RNF220: variants seen among roughly 807,000 people sequenced by gnomAD.
The protein encoded by RNF220 is ring finger protein 220.
Under a neutral mutation model 67.1 loss-of-function variants are expected in RNF220, and 7 were observed. The observed-to-expected ratio is 0.10, with a 90% CI of 0.06 to 0.20. RNF220 has a LOEUF of 0.20. RNF220 is among the 10% of genes least tolerant of loss of function. The pLI, the probability that RNF220 is intolerant of heterozygous loss-of-function variation, is 1.00. For synonymous variants in RNF220, 270 were observed against 283.2 expected, an observed-to-expected ratio of 0.95 and a Z score of 0.47; for missense variants, 565 against 740.3, an observed-to-expected ratio of 0.76 and a Z score of 2.75.
At chr1:44,626,487 C>T in intron 5 of RNF220, 89 bp downstream of exon 5, 1 of 1,012,248 alleles carries the variant, frequency 9.9e-7, no homozygotes, top group Non-Finnish European at 1.5e-6. Flanking sequence ...CTCCTCTCCT[C>T]TGTAGGCCAC....
chr1:44,442,581 C>A (rs1254515561), intron 2 of RNF220, among the ~76,000 whole-genome samples: 1 of 143,220 alleles, frequency 7.0e-6, no homozygotes, highest in Non-Finnish European at 1.5e-5. Flanking sequence ...ATGATGTGGT[C>A]TCGCCTCACT....
intron 2 of RNF220, among the ~76,000 whole-genome samples, chr1:44,539,342 C>G (rs973466510): frequency 2.0e-5 from 3 of 152,214 alleles, no homozygotes; most frequent in Admixed American, 6.5e-5. Context: ...GGTGACTCCT[C>G]TTCTTTCACT....
rs544550282 is a variant in RNF220 at position 44,563,507 on chromosome 1, C to T, written c.626-50658C>T. 1.1e-3 allele frequency among the ~76,000 whole-genome samples: 163 copies of T among 152,302 alleles called. 2 individuals are homozygous for T. The highest frequency in any genetic ancestry group is 3.7e-3 in the African/African-American group (152 of 41,562). On this transcript the variant is annotated intron_variant, in intron 2 of 14. Coordinates refer to ENST00000361799, the MANE Select transcript of RNF220 (RefSeq NM_018150.4). The stretch of plus-strand genomic sequence containing the variant: ...GAGGGAGAGCTGCTGCATTTGCCGC[C>T]GTGGACTCCTCCCTCGTTCTTGAAA...
chr1:44,474,712 AAAAAT>A (rs1386285740), intron 2 of RNF220, among the ~76,000 whole-genome samples: 2 of 152,020 alleles, frequency 1.3e-5, no homozygotes, highest in African/African-American at 4.8e-5. Context: ...CTGTCTCCGA[AAAAAT>A]AAAAACAAAA....
chr1:44,451,260 A>G (rs1652655490), intron 2 of RNF220, among the ~76,000 whole-genome samples: 3 of 152,186 alleles, frequency 2.0e-5, no homozygotes, highest in Non-Finnish European at 4.4e-5. Flanking sequence ...CATTTACATA[A>G]TGAGAATAAT....
Position 44,649,870 on chromosome 1 carries a change from C to G in RNF220, c.1555-13C>G. ...ACCTCAGAGTGACCCCTTCTCTGCC[C>G]CCTCCTCCCTAGGACTCGTACTCGA... On this transcript the variant is annotated splice_polypyrimidine_tract_variant and intron_variant, in intron 13 of 14. Coordinates refer to ENST00000361799, the MANE Select transcript of RNF220 (RefSeq NM_018150.4). This position sits in a 1 kb window ranked among gnomAD's most constrained non-coding sequence, Gnocchi z 5.9. 6.2e-7 allele frequency: 1 copy of G among 1,613,988 alleles called. No individual in the cohort carries two copies. The highest frequency in any genetic ancestry group is 8.5e-7 in the Non-Finnish European group (1 of 1,179,934).
chr1:44,452,509 G>A (rs560515115), intron 2 of RNF220, among the ~76,000 whole-genome samples: 6 of 152,098 alleles, frequency 3.9e-5, no homozygotes, highest in East Asian at 1.9e-4. Context: ...AGCCGAGATC[G>A]CGCCACTGCA....
chr1:44,644,299 G>A (rs1267411083), intron 8 of RNF220: 1 of 184,752 alleles, frequency 5.4e-6, no homozygotes, highest in Non-Finnish European at 1.2e-5. Context: ...TGTCAGGCTG[G>A]ATAATGGGGC....
chr1:44,487,844 C>A lies in RNF220; in HGVS notation c.625+75122C>A, dbSNP rs1572653946. Among the ~76,000 whole-genome samples the A allele has an allele frequency of 2.0e-5, 3 of 150,508 alleles. No homozygotes were observed. The South Asian group carries it at 6.3e-4, about 31-fold the overall frequency. On this transcript the variant is annotated intron_variant, in intron 2 of 14. Transcript: ENST00000361799. ...GCAGTGAGCCGAGATTGCACCACTG[C>A]ACTCCAGCCTGGGTGACAGAGTGAG...
At chr1:44,550,520 T>G (rs1318602985) in intron 2 of RNF220, among the ~76,000 whole-genome samples, 1 of 152,058 alleles carries the variant, frequency 6.6e-6, no homozygotes, top group Admixed American at 6.5e-5. Flanking sequence ...CTCTCAACAG[T>G]GATGGGCTGA....
chr1:44,582,448 G>A (rs1665360022), intron 2 of RNF220, among the ~76,000 whole-genome samples: 1 of 152,184 alleles, frequency 6.6e-6, no homozygotes, highest in Non-Finnish European at 1.5e-5. Context: ...CCAAAGCCAA[G>A]TAAAAAATTC....
At chr1:44,508,387 G>A (rs558087540) in intron 2 of RNF220, among the ~76,000 whole-genome samples, 1 of 152,184 alleles carries the variant, frequency 6.6e-6, no homozygotes, top group African/African-American at 2.4e-5. Flanking sequence ...GCTTACTGCC[G>A]AGCAATGGAA....
intron 2 of RNF220, among the ~76,000 whole-genome samples, chr1:44,536,237 C>T (rs1661210233): frequency 6.6e-6 from 1 of 152,174 alleles, no homozygotes; most frequent in African/African-American, 2.4e-5. Flanking sequence ...CCCTTGAGAG[C>T]CCAGAGGCAG....
Position 44,600,713 on chromosome 1 carries a change from C to A in RNF220, c.626-13452C>A, listed in dbSNP as rs146247980. Among the ~76,000 whole-genome samples, 1 of 151,820 alleles carries A rather than the reference C, an allele frequency of 6.6e-6. No individual in the cohort carries two copies. The highest frequency in any genetic ancestry group is 2.4e-5 in the African/African-American group (1 of 41,318). On this transcript the variant is annotated intron_variant, in intron 2 of 14. Transcript: ENST00000361799. This position sits in a 1 kb window ranked among gnomAD's most constrained non-coding sequence, Gnocchi z 4.0. Reference sequence around the variant, plus strand: ...GCACACACCTGCAGTCCCAGCTACTCGGGAGGCTGAGGCAGGAGAATCACT... The same window carrying A: ...GCACACACCTGCAGTCCCAGCTACTAGGGAGGCTGAGGCAGGAGAATCACT...
chr1:44,406,684 C>G (rs1041806530), intron 1 of RNF220, among the ~76,000 whole-genome samples: 1 of 152,008 alleles, frequency 6.6e-6, no homozygotes, highest in African/African-American at 2.4e-5. Context: ...GCCTCCCCCA[C>G]CCCACCCCCG....
chr1:44,625,036 AG>A (rs1643898944), intron 4 of RNF220, among the ~76,000 whole-genome samples: 1 of 146,854 alleles, frequency 6.8e-6, no homozygotes, highest in African/African-American at 2.7e-5. Flanking sequence ...TGAGAGAGAG[AG>A]AGAGAGAGAG....
At chr1:44,449,238 G>A (rs1213631399) in intron 2 of RNF220, among the ~76,000 whole-genome samples, 1 of 152,276 alleles carries the variant, frequency 6.6e-6, no homozygotes, top group Middle Eastern at 3.4e-3. Context: ...GGGATTCGAT[G>A]AGATAGTGGA....
rs540710083 is a variant in RNF220 at position 44,647,232 on chromosome 1, C to T, written c.1445+1744C>T. 2.6e-5 allele frequency among the ~76,000 whole-genome samples: 4 copies of T among 152,266 alleles called. No individual in the cohort carries two copies. In the South Asian group the frequency reaches 8.3e-4, roughly 32 times the overall value. ...TTCTCCATTCTGGTGTAGGCTGCCC[C>T]CAGCTGCAGGCCTTAGTTTCCCCAT... On this transcript the variant is annotated intron_variant, in intron 12 of 14. Coordinates refer to ENST00000361799, the MANE Select transcript of RNF220 (RefSeq NM_018150.4).
At chr1:44,498,082 G>A (rs765525228) in intron 2 of RNF220, among the ~76,000 whole-genome samples, 2 of 152,160 alleles carry the variant, frequency 1.3e-5, no homozygotes, top group South Asian at 2.1e-4. Flanking sequence ...GGTTGCTTCC[G>A]GAGACCCAGG....
Sources: gnomAD v4.1 joint callset for allele counts (sites outside exome capture counted in the v4.1 genomes callset) on GRCh38, gnomAD v4.1.1 for gene constraint, Gnocchi (gnomAD v3.1) non-coding constraint, MANE v1.5 for transcripts, NCBI Gene and HGNC (gene_info 2026-07-23, HGNC 2026-07-21) for gene names.